Variants in CYYR1 observed in about 807,000 individuals in gnomAD.
CYYR1 encodes cysteine and tyrosine-rich protein 1.
In CYYR1, 14 loss-of-function variants were observed where a neutral mutation model predicts 15.2. The observed-to-expected ratio is 0.92, with a 90% CI of 0.61 to 1.44. The LOEUF is 1.44. Ranked by LOEUF, CYYR1 falls within the 40% of genes most tolerant of loss-of-function variation. CYYR1 has a pLI of 0.00. For missense variants in CYYR1, 228 were observed against 209.5 expected (o/e 1.09, Z -0.54); for synonymous variants, 80 against 77.4 (o/e 1.03, Z -0.18).
At position 26,572,877 on chromosome 21, in the gene CYYR1, C is replaced by T. The variant is rs761808985; in HGVS notation, c.64G>A (p.Val22Ile). 24 of 1,613,926 alleles carry T rather than the reference C, an allele frequency of 1.5e-5. 1 individual carries two copies. The South Asian group carries it at 2.0e-4, about 13-fold the overall frequency. The change falls in exon 1 of 4, where the codon GTC becomes ATC. Residue 22 changes from valine to isoleucine, a missense_variant. Coordinates refer to ENST00000652641, the MANE Select transcript of CYYR1 (RefSeq NM_001320768.2). ...VLLPKLVLLF[V>I]YADDCLAQCG... is the part of the protein sequence containing the mutation. The stretch of plus-strand genomic sequence containing the variant: ...GCCCTCCGTCACTGACCTGCGTAGA[C>T]AAAGAGCAGGACCAACTTCGGAAGC...
intron 1 of CYYR1, among the ~76,000 whole-genome samples, chr21:26,569,702 C>T (rs563438710): frequency 6.6e-6 from 1 of 152,332 alleles, no homozygotes; most frequent in South Asian, 2.1e-4. Context: ...TAAGTAACGT[C>T]ATGGGTGCCT....
intron 2 of CYYR1, among the ~76,000 whole-genome samples, chr21:26,535,490 CA>C (rs1410733457): frequency 6.6e-6 from 1 of 152,120 alleles, no homozygotes; most frequent in Non-Finnish European, 1.5e-5. Context: ...CTATTATAAA[CA>C]ACAGTACTAA....
intron 2 of CYYR1, among the ~76,000 whole-genome samples, chr21:26,506,107 G>A (rs543552913): frequency 1.4e-4 from 22 of 152,038 alleles, no homozygotes; most frequent in Non-Finnish European, 2.6e-4. Context: ...ACAGTCAATC[G>A]ACCACCCATT....
At chr21:26,567,065 A>C (rs2123738395) in intron 1 of CYYR1, among the ~76,000 whole-genome samples, 1 of 151,842 alleles carries the variant, frequency 6.6e-6, no homozygotes, top group African/African-American at 2.4e-5. Flanking sequence ...TTCCCAACTG[A>C]GCTCAATCAA....
chr21:26,523,700 C>A lies in CYYR1; in HGVS notation c.176+42566G>T, dbSNP rs914321227. 3.3e-5 allele frequency among the ~76,000 whole-genome samples: 5 copies of A among 152,100 alleles called. No homozygotes were observed. The East Asian group carries it at 9.6e-4, about 29-fold the overall frequency. On this transcript the variant is annotated intron_variant, in intron 2 of 3. Transcript: ENST00000652641. ...TACTCTTCTCCTTCATTTCTGGGAC[C>A]TTTTCAGGCTCTAGATCAAATGTCA... is the stretch of plus-strand genomic sequence containing the variant.
intron 1 of CYYR1, among the ~76,000 whole-genome samples, chr21:26,570,541 G>A (rs920224519): frequency 2.2e-4 from 33 of 152,282 alleles, no homozygotes; most frequent in Non-Finnish European, 1.6e-4. Flanking sequence ...ACACTTCACT[G>A]GGTCTCCTTC....
chr21:26,518,663 A>G (rs1377880729), intron 2 of CYYR1: 1 of 152,200 alleles, frequency 6.6e-6, no homozygotes, highest in Non-Finnish European at 1.5e-5. Flanking sequence ...TAATCTCCTC[A>G]TTTGTGAAAT....
At chr21:26,492,003 C>T (rs2065335473) in intron 2 of CYYR1, among the ~76,000 whole-genome samples, 1 of 152,214 alleles carries the variant, frequency 6.6e-6, no homozygotes, top group Non-Finnish European at 1.5e-5. Context: ...ACAGCTCCTG[C>T]CCAGTCACAC....
At chr21:26,497,993 T>C (rs532081006) in intron 2 of CYYR1, among the ~76,000 whole-genome samples, 82 of 152,344 alleles carry the variant, frequency 5.4e-4, no homozygotes, top group African/African-American at 1.9e-3. Context: ...TTTATTTGGT[T>C]TGAAATTTCA....
chr21:26,562,799 A>ACACACACACACAC (rs1980321214), intron 2 of CYYR1, among the ~76,000 whole-genome samples: 85 of 132,590 alleles, frequency 6.4e-4, no homozygotes, highest in East Asian at 2.3e-3. Context: ...GACATACACA[A>ACACACACACACAC]ACACACACAC....
At chr21:26,534,028 T>A (rs191619748) in intron 2 of CYYR1, among the ~76,000 whole-genome samples, 36 of 152,250 alleles carry the variant, frequency 2.4e-4, no homozygotes, top group Admixed American at 1.8e-3. Flanking sequence ...CCACTCACCA[T>A]TATTTCTGGT....
intron 2 of CYYR1, among the ~76,000 whole-genome samples, chr21:26,530,911 C>A (rs897980284): frequency 3.4e-4 from 51 of 152,212 alleles, no homozygotes; most frequent in South Asian, 8.3e-4. Context: ...AAAAATGTGA[C>A]ACTAGGACAA....
At chr21:26,479,987 A>C (rs1284987910) in intron 3 of CYYR1, among the ~76,000 whole-genome samples, 2 of 152,206 alleles carry the variant, frequency 1.3e-5, no homozygotes, top group East Asian at 3.8e-4. Flanking sequence ...GCAGGTAGAC[A>C]CAGTGGGTGT....
rs1981136119 is a variant in CYYR1, at chr21:26,573,219, A to G, written c.-279T>C. 7.0e-7 allele frequency: 1 copy of G among 1,422,902 alleles called. No individual in the cohort carries two copies. Among genetic ancestry groups the G allele is most frequent in the Admixed American group, 2.2e-5 (1 of 46,504 alleles). 88.1% of individuals were successfully genotyped at this position (1,422,902 alleles called of 1,614,324 possible). ...CGCCCCACTGCGCTCAGGCGCGGGG[A>G]AGGCGGCCACTCCGGCGTCCTTGGC... On this transcript the variant is annotated 5_prime_UTR_variant, in exon 1 of 4. Transcript: ENST00000652641.
chr21:26,535,775 C>T (rs941234203), intron 2 of CYYR1, among the ~76,000 whole-genome samples: 14 of 152,128 alleles, frequency 9.2e-5, no homozygotes, highest in Non-Finnish European at 2.1e-4. Flanking sequence ...GTTTTTCTAT[C>T]AGGCTCAAGA....
intron 2 of CYYR1, among the ~76,000 whole-genome samples, chr21:26,486,911 G>A (rs1334275074): frequency 1.3e-5 from 2 of 151,938 alleles, no homozygotes; most frequent in Non-Finnish European, 2.9e-5. Context: ...GTACGCCAGA[G>A]TAATATTTAT....
At chr21:26,557,751 T>G (rs942426772) in intron 2 of CYYR1, among the ~76,000 whole-genome samples, 1 of 152,138 alleles carries the variant, frequency 6.6e-6, no homozygotes, top group Admixed American at 6.6e-5. Context: ...TATGTGATGT[T>G]TCATGCTCTC....
chr21:26,515,535 T>C (rs138128685), intron 2 of CYYR1, among the ~76,000 whole-genome samples: 3,670 of 152,174 alleles, frequency 0.024, 72 homozygotes, highest in South Asian at 0.051. Flanking sequence ...TAATTTTTTG[T>C]ACTTTTTGTA....
intron 2 of CYYR1, among the ~76,000 whole-genome samples, chr21:26,507,691 G>A (rs1368773345): frequency 6.6e-6 from 1 of 152,160 alleles, no homozygotes; most frequent in African/African-American, 2.4e-5. Flanking sequence ...GTAAGAACAA[G>A]TTCGATATTA....
Sources: allele counts gnomAD v4.1 joint callset (sites outside exome capture counted in the v4.1 genomes callset), GRCh38; gene constraint gnomAD v4.1.1; transcripts MANE v1.5; gene names NCBI Gene and HGNC (gene_info 2026-07-23, HGNC 2026-07-21).